The following COL4A1 variants were observed in gnomAD, a reference collection of about 807,000 sequenced individuals.
The protein encoded by COL4A1 is collagen alpha-1(IV) chain.
COL4A1 carries 40 observed loss-of-function variants against 216.6 expected under a neutral mutation model. The ratio of observed to expected loss-of-function variants is 0.18; its 90% CI spans 0.14 to 0.24. The LOEUF is 0.24. Among genes scored for constraint, COL4A1 ranks in the 10% least tolerant of loss-of-function variants. The probability of loss-of-function intolerance (pLI) is 1.00; values close to 1 mark genes in which losing one functional copy is unlikely to be tolerated. For missense variants in COL4A1, 1,628 were observed against 2,196.8 expected (o/e 0.74, Z 5.18); for synonymous variants, 839 against 810.7 (o/e 1.03, Z -0.59).
chr13:110,255,971 T>C (rs1277022599), intron 1 of COL4A1, among the ~76,000 whole-genome samples: 1 of 151,846 alleles, frequency 6.6e-6, no homozygotes, highest in Non-Finnish European at 1.5e-5. Context: ...CCTTATCTTA[T>C]GACAGGAGAA....
chr13:110,304,852 AG>A (rs747721559), intron 1 of COL4A1, among the ~76,000 whole-genome samples: 38 of 152,318 alleles, frequency 2.5e-4, no homozygotes, highest in Non-Finnish European at 3.8e-4. Flanking sequence ...TGCAAAGGAG[AG>A]GTAAGCCAAC....
chr13:110,192,165 C>G (rs1470772738), intron 24 of COL4A1, 49 bp downstream of exon 24: 1 of 1,585,194 alleles, frequency 6.3e-7, no homozygotes, highest in African/African-American at 1.3e-5. Context: ...TGTCCACGTG[C>G]TTGGTGGCAA....
intron 2 of COL4A1, among the ~76,000 whole-genome samples, chr13:110,233,264 T>A (rs1881148746): frequency 1.3e-5 from 2 of 152,104 alleles, no homozygotes; most frequent in African/African-American, 2.4e-5. Flanking sequence ...CAGATGATGA[T>A]TCATGTGCGG....
chr13:110,217,177 A>G (rs906334829), intron 2 of COL4A1, among the ~76,000 whole-genome samples: 5 of 152,262 alleles, frequency 3.3e-5, no homozygotes, highest in African/African-American at 9.6e-5. Flanking sequence ...AACGGACAGA[A>G]TAAGCACTTA....
At chr13:110,215,685 T>C (rs1880038765) in intron 2 of COL4A1, among the ~76,000 whole-genome samples, 1 of 152,186 alleles carries the variant, frequency 6.6e-6, no homozygotes, top group South Asian at 2.1e-4. Context: ...TAACCATTGT[T>C]AGCTGATTTA....
chr13:110,209,821 C>T lies in COL4A1; in HGVS notation c.615+159G>A, dbSNP rs7332823. The T allele has an allele frequency of 5.4e-3, 4,919 of 912,140 alleles. 151 individuals carry two copies. In the African/African-American group the frequency reaches 0.07, roughly 13 times the overall value. 56.5% of individuals were successfully genotyped at this position (912,140 alleles called of 1,614,324 possible). ...CTCTGGGTATATGGGTACCGGGATGCCAGCCAAACGTTTAGTAAGAGGGAA... is the reference window on the plus strand; with the variant it reads ...CTCTGGGTATATGGGTACCGGGATGTCAGCCAAACGTTTAGTAAGAGGGAA... On this transcript the variant is annotated intron_variant, in intron 10 of 51. Transcript: ENST00000375820.
At chr13:110,165,630 T>A (rs114756313) in intron 45 of COL4A1, among the ~76,000 whole-genome samples, 1,923 of 151,400 alleles carry the variant, frequency 0.013, 44 homozygotes, top group African/African-American at 0.043. Flanking sequence ...TTCCTTGGGT[T>A]CCACTTCTCA....
Position 110,179,299 on chromosome 13 carries a change from G to A in COL4A1, c.2316C>T (p.Ile772=), listed in dbSNP as rs377593990. The change falls in exon 30 of 52, where the codon ATC becomes ATT. Residue 772 remains isoleucine (I), a synonymous_variant. Coordinates refer to ENST00000375820, the MANE Select transcript of COL4A1 (RefSeq NM_001845.6). ...TGATCCCCTGAAGCCCAGGGGGTCC[G>A]ATCGCTCCATGTTCTCCAGGAACGC... ...VPGVPGEHGA[I]GPPGLQGIRG... 2.7e-5 allele frequency: 44 copies of A among 1,613,902 alleles called. No homozygotes were observed. Among genetic ancestry groups the A allele is most frequent in the African/African-American group, 2.1e-4 (16 of 74,834 alleles).
intron 4 of COL4A1, 78 bp downstream of exon 4, chr13:110,213,704 A>G: frequency 1.4e-6 from 2 of 1,419,300 alleles, no homozygotes; most frequent in East Asian, 4.6e-5. Flanking sequence ...AGGAGAAAGG[A>G]GGGAAAAGGT....
intron 1 of COL4A1, among the ~76,000 whole-genome samples, chr13:110,270,183 A>G (rs1183342246): frequency 2.0e-5 from 3 of 152,184 alleles, no homozygotes; most frequent in Admixed American, 2.0e-4. Context: ...CAGAGAAATA[A>G]CAGGAAAGTT....
chr13:110,192,352 T>A, intron 23 of COL4A1, 68 bp from the exon 24 acceptor site: 1 of 1,460,094 alleles, frequency 6.8e-7, no homozygotes, highest in Non-Finnish European at 9.6e-7. Context: ...AACCTTTTCT[T>A]AAGACTCAAA....
At chr13:110,202,726 T>C (rs190539405) in intron 18 of COL4A1, among the ~76,000 whole-genome samples, 10 of 152,342 alleles carry the variant, frequency 6.6e-5, no homozygotes, top group Admixed American at 2.0e-4. Context: ...ATGATCACCA[T>C]GAAGATATGT....
At chr13:110,230,736 C>T (rs911711146) in intron 2 of COL4A1, among the ~76,000 whole-genome samples, 3 of 152,236 alleles carry the variant, frequency 2.0e-5, no homozygotes, top group Admixed American at 6.5e-5. Flanking sequence ...TGGAAGTCCC[C>T]CCGTGGTATG....
intron 1 of COL4A1, among the ~76,000 whole-genome samples, chr13:110,272,006 T>C (rs886344843): frequency 5.3e-5 from 8 of 152,208 alleles, no homozygotes; most frequent in South Asian, 2.1e-4. Flanking sequence ...ACCCAAAGAA[T>C]TGACATATTC....
At chr13:110,208,178 T>A (rs768725195) in intron 12 of COL4A1, among the ~76,000 whole-genome samples, 3 of 152,192 alleles carry the variant, frequency 2.0e-5, no homozygotes, top group Non-Finnish European at 4.4e-5. Flanking sequence ...GCTTCATTGG[T>A]CTGATCCAGG....
chr13:110,242,816 CT>C (rs1200187173), intron 1 of COL4A1, 82 bp from the exon 2 acceptor site: 4 of 1,470,146 alleles, frequency 2.7e-6, no homozygotes, highest in African/African-American at 1.4e-5. Flanking sequence ...GTTCTGGCAT[CT>C]TGACTTGTTT....
At chr13:110,155,433 G>T in intron 49 of COL4A1, 36 bp from the exon 50 acceptor site, 2 of 1,522,936 alleles carry the variant, frequency 1.3e-6, no homozygotes, top group South Asian at 2.3e-5. Flanking sequence ...CACAGCCGGG[G>T]TGCAGGGCAG....
chr13:110,152,262 G>T, intron 51 of COL4A1, 72 bp downstream of exon 51: 1 of 1,590,932 alleles, frequency 6.3e-7, no homozygotes. Flanking sequence ...AAGGTGTTAC[G>T]GATCGCGGAT....
At chr13:110,185,644 T>C (rs907442297) in intron 26 of COL4A1, among the ~76,000 whole-genome samples, 2 of 152,236 alleles carry the variant, frequency 1.3e-5, no homozygotes, top group African/African-American at 2.4e-5. Context: ...GCGTGCTCCA[T>C]GTCTACTGGG....
Sources: allele counts gnomAD v4.1 joint callset (sites outside exome capture counted in the v4.1 genomes callset), GRCh38; gene constraint gnomAD v4.1.1; transcripts MANE v1.5; gene names NCBI Gene and HGNC (gene_info 2026-07-23, HGNC 2026-07-21).